The following ADAMTS13 variants were observed in gnomAD, a reference collection of about 807,000 sequenced individuals.
ADAMTS13 encodes the protein ADAM metallopeptidase with thrombospondin type 1 motif 13.
In ADAMTS13, 110 loss-of-function variants were observed where a neutral mutation model predicts 155.1. The ratio of observed to expected loss-of-function variants is 0.71; its 90% confidence interval spans 0.61 to 0.83. ADAMTS13 has a LOEUF of 0.83. ADAMTS13 is among the 40% of genes least tolerant of loss of function. ADAMTS13 has a pLI of 0.00. For synonymous variants in ADAMTS13, 758 were observed against 756.4 expected (o/e 1.00, Z -0.03); for missense variants, 1,707 against 1,891.7 (o/e 0.90, Z 1.81).
Position 133,456,741 on chromosome 9 carries a change from C to T in ADAMTS13, c.3724+22C>T, listed in dbSNP as rs782454768. Reference sequence around the variant, plus strand: ...AGAGGTATGGCCAGGCCTTCTCCACCTCCCTTGGGTGCTCCAGTCCTGGCA... The same window carrying T: ...AGAGGTATGGCCAGGCCTTCTCCACTTCCCTTGGGTGCTCCAGTCCTGGCA... On this transcript the variant is annotated intron_variant, in intron 27 of 28. Transcript: ENST00000355699. This position sits in a 1 kb window ranked among gnomAD's most constrained non-coding sequence, Gnocchi z 4.4. 7.1e-6 allele frequency: 11 copies of T among 1,551,972 alleles called. No individual in the cohort carries two copies. The African/African-American group carries it at 1.5e-4, about 21-fold the overall frequency.
At position 133,448,646 on chromosome 9, in the gene ADAMTS13, C is replaced by T; in HGVS notation, c.2779C>T (p.Pro927Ser). ...GTGCATGGACTCTGCCCTCAGGGTG[C>T]CTGTCCAGGAAGAGCTGTGTGGCCT... ...FLCMDSALRV[P>S]VQEELCGLAS... The change falls in exon 22 of 29, where the codon CCT (proline) becomes TCT (serine). Residue 927 changes from proline (P) to serine (S), a missense_variant. Pro to Ser is a moderately conservative substitution (Grantham distance 74, BLOSUM62 -1). Transcript: ENST00000355699. 6.2e-7 allele frequency: 1 copy of T among 1,609,550 alleles called. No homozygotes were observed. The highest frequency in any genetic ancestry group is 8.5e-7 in the Non-Finnish European group (1 of 1,179,972).
chr9:133,433,432 GT>G lies in ADAMTS13; in HGVS notation c.1148del (p.Val383GlyfsTer114). The G allele has an allele frequency of 1.2e-6, 2 of 1,613,408 alleles. No homozygotes were observed. The highest frequency in any genetic ancestry group is 1.7e-6 in the Non-Finnish European group (2 of 1,179,952). On this transcript the variant is annotated frameshift_variant, in exon 10 of 29. Coordinates refer to ENST00000355699, the MANE Select transcript of ADAMTS13 (RefSeq NM_139027.6). LOFTEE classifies it high-confidence loss of function. Reference protein sequence around the residue: ...SLVELTPIAAVHGRWSSWGPR... With the variant: ...SLVELTPIAAXHGRWSSWGPR... ...GGTGGAGCTGACCCCCATAGCAGCA[GT>G]GCATGGGCGCTGGTCTAGCTGGGGT...
intron 25 of ADAMTS13, chr9:133,455,732 C>A: frequency 7.8e-7 from 1 of 1,287,806 alleles, no homozygotes; most frequent in Non-Finnish European, 1.1e-6. Flanking sequence ...GGGATCAGGG[C>A]TGGCCCTCTT....
At position 133,445,797 on chromosome 9, in the gene ADAMTS13, G is replaced by A. The variant is rs782003158; in HGVS notation, c.2709G>A (p.Ser903=). Residue 903 remains serine, a synonymous_variant, in exon 21 of 29, where the codon TCG becomes TCA. Coordinates refer to ENST00000355699, the MANE Select transcript of ADAMTS13 (RefSeq NM_139027.6). This position sits in a 1 kb window ranked among gnomAD's most constrained non-coding sequence, Gnocchi z 5.0. ...ACGTGTGGACCCCTGCGGCAGGGTC[G>A]TGCTCCGTCTCCTGCGGGCGAGGTG... The part of the protein sequence containing the change: ...AAHVWTPAAG[S]CSVSCGRGLM... 52 of 1,590,242 alleles carry A rather than the reference G, an allele frequency of 3.3e-5. No homozygotes were observed. The East Asian group carries it at 6.5e-4, about 20-fold the overall frequency.
chr9:133,459,073 G>A lies in ADAMTS13; in HGVS notation c.4009G>A (p.Gly1337Ser). The change falls in exon 29 of 29, where the codon GGC becomes AGC. Residue 1337 changes from glycine (G) to serine (S), a missense_variant. Transcript: ENST00000355699. Reference protein sequence around the residue: ...SSQAEMEFSEGFLKAQASLRG... With the variant: ...SSQAEMEFSESFLKAQASLRG... ...CCAGGCTGAGATGGAGTTCAGCGAG[G>A]GCTTCCTGAAGGCTCAGGCCAGCCT... is the stretch of plus-strand genomic sequence containing the variant. The A allele has an allele frequency of 6.2e-7, 1 of 1,612,978 alleles. No homozygotes were observed. Among genetic ancestry groups the A allele is most frequent in the Non-Finnish European group, 8.5e-7 (1 of 1,179,946 alleles).
intron 22 of ADAMTS13, among the ~76,000 whole-genome samples, chr9:133,449,426 A>C (rs1483634862): frequency 7.9e-5 from 2 of 25,318 alleles, no homozygotes; most frequent in African/African-American, 1.6e-4. Flanking sequence ...ACACAGCGGG[A>C]GGGGAGGAGG....
chr9:133,436,530 TC>T (rs1841230453), intron 11 of ADAMTS13, among the ~76,000 whole-genome samples: 1 of 152,176 alleles, frequency 6.6e-6, no homozygotes, highest in African/African-American at 2.4e-5. Context: ...CACATCCCCG[TC>T]CCTGTTTTAT....
At position 133,456,653 on chromosome 9, in the gene ADAMTS13, G is replaced by C; in HGVS notation, c.3658G>C (p.Gly1220Arg). Reference protein sequence around the residue: ...TNTLVVRQRCGRPGGGVLLRY... With the variant: ...TNTLVVRQRCRRPGGGVLLRY... ...CACGCTGGTGGTGAGGCAGCGCTGCGGGCGGCCAGGAGGTGGGGTGCTGCT... is the reference window on the plus strand; with the variant it reads ...CACGCTGGTGGTGAGGCAGCGCTGCCGGCGGCCAGGAGGTGGGGTGCTGCT... The change falls in exon 27 of 29, where the codon GGG (glycine) becomes CGG (arginine). Residue 1220 changes from glycine (G) to arginine (R), a missense_variant. Coordinates refer to ENST00000355699, the MANE Select transcript of ADAMTS13 (RefSeq NM_139027.6). This position sits in a 1 kb window ranked among gnomAD's most constrained non-coding sequence, Gnocchi z 4.4. 2 of 1,603,652 alleles carry C rather than the reference G, an allele frequency of 1.2e-6. No homozygotes were observed. Among genetic ancestry groups the C allele is most frequent in the Non-Finnish European group, 1.7e-6 (2 of 1,175,184 alleles).
rs1554795940 is a variant in ADAMTS13 at position 133,456,246 on chromosome 9, C to A, written c.3547+31C>A. On this transcript the variant is annotated intron_variant, in intron 26 of 28. Transcript: ENST00000355699. The surrounding 1 kb of genome is among the most constrained non-coding windows in gnomAD (Gnocchi z 4.4). Reference sequence around the variant, plus strand: ...TCTAGGGCCATGCAAGCGATGCTGCCAGTTATGGGCCCTGCCAGGAGCCAG... The same window carrying A: ...TCTAGGGCCATGCAAGCGATGCTGCAAGTTATGGGCCCTGCCAGGAGCCAG... 6.2e-7 allele frequency: 1 copy of A among 1,612,938 alleles called. No homozygotes were observed. Among genetic ancestry groups the A allele is most frequent in the African/African-American group, 1.3e-5 (1 of 74,928 alleles).
upstream of ADAMTS13, among the ~76,000 whole-genome samples, chr9:133,418,459 C>A (rs1464821927): frequency 6.6e-6 from 1 of 152,192 alleles, no homozygotes; most frequent in African/African-American, 2.4e-5. Context: ...CCTGCCAGTT[C>A]ACTCTGTAGC....
At chr9:133,452,911 A>G (rs1433040593) in intron 23 of ADAMTS13, among the ~76,000 whole-genome samples, 1 of 152,130 alleles carries the variant, frequency 6.6e-6, no homozygotes. Context: ...TCGCTGCCTG[A>G]TGTCTTCTGT....
intron 11 of ADAMTS13, among the ~76,000 whole-genome samples, chr9:133,435,184 T>C (rs1434987153): frequency 1.3e-5 from 2 of 151,954 alleles, no homozygotes; most frequent in Non-Finnish European, 2.9e-5. Context: ...GTTTGACTTT[T>C]TTTTTTCTTT....
chr9:133,449,873 C>T lies in ADAMTS13; in HGVS notation c.2952C>T (p.Asp984=), dbSNP rs1244426963. The T allele has an allele frequency of 2.0e-5, 33 of 1,613,884 alleles. No individual in the cohort carries two copies. Among genetic ancestry groups the T allele is most frequent in the Admixed American group, 3.3e-5 (2 of 59,998 alleles). Residue 984 remains aspartate, a synonymous_variant, in exon 23 of 29, where the codon GAC becomes GAT. Coordinates refer to ENST00000355699, the MANE Select transcript of ADAMTS13 (RefSeq NM_139027.6). ...ILYCARAHGE[D]DGEEILLDTQ... ...ATTGTGCCCGGGCCCATGGGGAGGA[C>T]GATGGTGAGGAGATCCTGTTGGACA...
intron 18 of ADAMTS13, 73 bp downstream of exon 18, chr9:133,442,816 G>C: frequency 6.6e-7 from 1 of 1,522,610 alleles, no homozygotes; most frequent in Non-Finnish European, 8.8e-7. Flanking sequence ...CTCTGTCCCT[G>C]GCCTATGGGG....
At chr9:133,458,807 A>G (rs1370521935) in intron 28 of ADAMTS13, among the ~76,000 whole-genome samples, 167 bp from the exon 29 acceptor site, 1 of 152,198 alleles carries the variant, frequency 6.6e-6, no homozygotes, top group African/African-American at 2.4e-5. Context: ...GAAGTGATGT[A>G]ACGTCCCTGG....
upstream of ADAMTS13, among the ~76,000 whole-genome samples, chr9:133,420,198 C>T (rs181123886): frequency 4.0e-3 from 603 of 152,318 alleles, 2 homozygotes; most frequent in Middle Eastern, 0.017. Context: ...GCCACCGCAC[C>T]TAGCCTAATT....
rs1349483228 is a variant in ADAMTS13 at position 133,440,228 on chromosome 9, GC to G, written c.1787-114del. 20 of 1,309,110 alleles carry G rather than the reference GC, an allele frequency of 1.5e-5. No homozygotes were observed. Among genetic ancestry groups the G allele is most frequent in the Non-Finnish European group, 2.1e-5 (19 of 919,488 alleles). The allele number at this position is 1,309,110 out of a possible 1,614,324, so 81.1% of individuals were successfully genotyped here. On this transcript the variant is annotated intron_variant, in intron 15 of 28. Coordinates refer to ENST00000355699, the MANE Select transcript of ADAMTS13 (RefSeq NM_139027.6). This position sits in a 1 kb window ranked among gnomAD's most constrained non-coding sequence, Gnocchi z 4.3. ...CTGTGGGGAAGCCTCTAGCTCAGAT[GC>G]CTGTGGCTCCTTAGAGGAGGGCTGG...
At position 133,444,983 on chromosome 9, in the gene ADAMTS13, C is replaced by T. The variant is rs1022407973; in HGVS notation, c.2541C>T (p.Gly847=). 4 of 1,613,378 alleles carry T rather than the reference C, an allele frequency of 2.5e-6. No individual in the cohort carries two copies. The highest frequency in any genetic ancestry group is 1.1e-5 in the South Asian group (1 of 91,080). The change falls in exon 20 of 29, where the codon GGC becomes GGT. Residue 847 remains glycine (G), a synonymous_variant. Coordinates refer to ENST00000355699, the MANE Select transcript of ADAMTS13 (RefSeq NM_139027.6). Reference sequence around the variant, plus strand: ...AGGCTCCAGTGACTGAGGGGCCTGGCTCCGTAGATGAGAAGCTGCCTGCCC... The same window carrying T: ...AGGCTCCAGTGACTGAGGGGCCTGGTTCCGTAGATGAGAAGCTGCCTGCCC... ...GLEAPVTEGP[G]SVDEKLPAPE... is the part of the protein sequence containing the mutation.
At chr9:133,436,781 C>CGGGGG in intron 11 of ADAMTS13, 48 bp from the exon 12 acceptor site, 1 of 456,514 alleles carries the variant, frequency 2.2e-6, no homozygotes, top group Non-Finnish European at 4.4e-6. Flanking sequence ...TGACAACACC[C>CGGGGG]GCCCCCCGCC....
Sources: gnomAD v4.1 joint callset for allele counts (sites outside exome capture counted in the v4.1 genomes callset) on GRCh38, gnomAD v4.1.1 for gene constraint, Gnocchi (gnomAD v3.1) non-coding constraint, MANE v1.5 for transcripts, NCBI Gene and HGNC (gene_info 2026-07-23, HGNC 2026-07-21) for gene names.